Variants in RNF144B observed in about 807,000 individuals in gnomAD.
The protein encoded by RNF144B is E3 ubiquitin-protein ligase RNF144B.
Under a neutral mutation model 40.2 loss-of-function variants are expected in RNF144B, and 25 were observed. That is an observed-to-expected ratio of 0.62 (90% CI 0.45 to 0.87). The LOEUF (loss-of-function observed/expected upper bound fraction) is 0.87, where lower values mean the gene tolerates loss of function less well. RNF144B is among the 40% of genes least tolerant of loss of function. The probability of loss-of-function intolerance (pLI) is 0.00; values close to 1 mark genes in which losing one functional copy is unlikely to be tolerated. For missense variants in RNF144B, 365 were observed against 373.7 expected (o/e 0.98, Z 0.19); for synonymous variants, 145 against 136.3 (o/e 1.06, Z -0.44).
rs1480445886 is a variant in RNF144B at position 18,468,106 on chromosome 6, A to T, written c.*3039A>T. 8 of 151,846 alleles carry T rather than the reference A, an allele frequency of 5.3e-5. No individual in the cohort carries two copies. In the East Asian group the frequency reaches 1.5e-3, roughly 29 times the overall value. The allele number at this position is 151,846 out of a possible 1,614,324, so 9.4% of individuals were successfully genotyped here. A position where few individuals can be genotyped will look rare whatever the true frequency, so the allele number is the denominator to read the frequency against. ...AGAGGAAGTGTGGGTCTACATAGGG[A>T]TGTTTGGATGCTATGGCAAGAATCT... On this transcript the variant is annotated 3_prime_UTR_variant, in exon 8 of 8. Transcript: ENST00000259939.
Position 18,399,498 on chromosome 6 carries a change from G to T in RNF144B, c.-36-1G>T. ...ATTTTCTGCTTTGGACCTTTCTATA[G>T]GGATTGAGGAGACTGAAGAATGCTG... On this transcript the variant is annotated splice_acceptor_variant, in intron 1 of 7. Coordinates refer to ENST00000259939, the MANE Select transcript of RNF144B (RefSeq NM_182757.4). LOFTEE classifies it low-confidence loss of function (5UTR_SPLICE). 6.2e-7 allele frequency: 1 copy of T among 1,605,880 alleles called. No homozygotes were observed. Among genetic ancestry groups the T allele is most frequent in the Non-Finnish European group, 8.5e-7 (1 of 1,174,574 alleles).
chr6:18,421,313 C>CAT (rs1758418856), intron 2 of RNF144B, among the ~76,000 whole-genome samples: 1 of 133,352 alleles, frequency 7.5e-6, no homozygotes, highest in East Asian at 2.1e-4. Flanking sequence ...CACACACACA[C>CAT]ACATATATAT....
chr6:18,424,836 T>C (rs1346057720), intron 2 of RNF144B, among the ~76,000 whole-genome samples: 1 of 152,204 alleles, frequency 6.6e-6, no homozygotes, highest in Non-Finnish European at 1.5e-5. Context: ...ATCTGTTCTG[T>C]CTACACAGCT....
chr6:18,405,150 T>TTTATTA lies in RNF144B; in HGVS notation c.165+5472_165+5477dup, dbSNP rs71536790. Among the ~76,000 whole-genome samples, 33,069 of 146,026 alleles carry TTTATTA rather than the reference T, an allele frequency of 0.23. 4,129 individuals are homozygous for TTTATTA. The highest frequency in any genetic ancestry group is 0.3 in the Middle Eastern group (85 of 280). Reference sequence around the variant, plus strand: ...CTTGCTTGCAAGGTTAGTTTTTTTCTTTATTATTATTATTATTATTATTAT... The same window carrying TTTATTA: ...CTTGCTTGCAAGGTTAGTTTTTTTCTTTATTATTATTATTATTATTATTATTATTAT... On this transcript the variant is annotated intron_variant, in intron 2 of 7. Transcript: ENST00000259939. The surrounding 1 kb of genome is among the most constrained non-coding windows in gnomAD (Gnocchi z 4.5).
In RNF144B at chr6:18,448,315, G is replaced by T. The variant is rs188446748; in HGVS notation, c.331+8571G>T. Among the ~76,000 whole-genome samples, 14 of 152,112 alleles carry T rather than the reference G, an allele frequency of 9.2e-5. 1 individual carries two copies. The highest frequency in any genetic ancestry group is 8.5e-4 in the Admixed American group (13 of 15,270). ...TGGATTTACTTGGGGGTAGGTTTAG[G>T]TCATCTCTATCAGGAAAGAAGGTGG... On this transcript the variant is annotated intron_variant, in intron 4 of 7. Transcript: ENST00000259939. This position sits in a 1 kb window ranked among gnomAD's most constrained non-coding sequence, Gnocchi z 4.0.
intron 6 of RNF144B, among the ~76,000 whole-genome samples, chr6:18,462,274 T>C (rs895300192): frequency 1.3e-5 from 2 of 152,186 alleles, no homozygotes; most frequent in Non-Finnish European, 2.9e-5. Flanking sequence ...TGTACCTCTT[T>C]CCCAGATTTT....
Position 18,410,851 on chromosome 6 carries a change from A to T in RNF144B, c.165+11152A>T, listed in dbSNP as rs961914202. On this transcript the variant is annotated intron_variant, in intron 2 of 7. Coordinates refer to ENST00000259939, the MANE Select transcript of RNF144B (RefSeq NM_182757.4). This position sits in a 1 kb window ranked among gnomAD's most constrained non-coding sequence, Gnocchi z 4.6. ...GCAGAGCTCGGAGAACAATGTCCTT[A>T]TCAACTTAGGATACATGTGTATGGC... Among the ~76,000 whole-genome samples, 1 of 152,144 alleles carries T rather than the reference A, an allele frequency of 6.6e-6. No individual in the cohort carries two copies. Among genetic ancestry groups the T allele is most frequent in the African/African-American group, 2.4e-5 (1 of 41,376 alleles).
rs1441852153 is a variant in RNF144B, at chr6:18,406,015, T to C, written c.165+6316T>C. The C allele has an allele frequency of 3.9e-6, 2 of 517,820 alleles. No individual in the cohort carries two copies. Among genetic ancestry groups the C allele is most frequent in the Non-Finnish European group, 7.7e-6 (2 of 259,328 alleles). 32.1% of individuals were successfully genotyped at this position (517,820 alleles called of 1,614,324 possible). On this transcript the variant is annotated intron_variant, in intron 2 of 7. Coordinates refer to ENST00000259939, the MANE Select transcript of RNF144B (RefSeq NM_182757.4). This position sits in a 1 kb window ranked among gnomAD's most constrained non-coding sequence, Gnocchi z 4.2. ...CTGGGATGCCAGTATGGTTTGGCATTTAAGAGAATGGGTCTCAAGTTTGGT... is the reference window on the plus strand; with the variant it reads ...CTGGGATGCCAGTATGGTTTGGCATCTAAGAGAATGGGTCTCAAGTTTGGT...
intron 1 of RNF144B, among the ~76,000 whole-genome samples, chr6:18,392,014 A>G (rs1794590467): frequency 7.2e-6 from 1 of 139,450 alleles, no homozygotes; most frequent in Admixed American, 7.6e-5. Flanking sequence ...CCTGGCTAAC[A>G]TGGTGAAACC....
chr6:18,454,568 G>A (rs954816480), intron 4 of RNF144B, among the ~76,000 whole-genome samples: 1 of 152,124 alleles, frequency 6.6e-6, no homozygotes, highest in Non-Finnish European at 1.5e-5. Flanking sequence ...ACACTCCTTT[G>A]CATGGACCTT....
chr6:18,468,451 A>G lies in RNF144B; in HGVS notation c.*3384A>G, dbSNP rs1467192056. On this transcript the variant is annotated 3_prime_UTR_variant, in exon 8 of 8. Coordinates refer to ENST00000259939, the MANE Select transcript of RNF144B (RefSeq NM_182757.4). The stretch of plus-strand genomic sequence containing the variant: ...TGTGAATTTTCTTGTAGCGTGCTTC[A>G]TGAAAATATCTACTTATCCAGGTTT... 1 of 152,228 alleles carries G rather than the reference A, an allele frequency of 6.6e-6. No individual in the cohort carries two copies. Among genetic ancestry groups the G allele is most frequent in the African/African-American group, 2.4e-5 (1 of 41,472 alleles). 9.4% of individuals were successfully genotyped at this position (152,228 alleles called of 1,614,324 possible).
chr6:18,408,494 T>G (rs1223451898), intron 2 of RNF144B, among the ~76,000 whole-genome samples: 1 of 152,234 alleles, frequency 6.6e-6, no homozygotes, highest in African/African-American at 2.4e-5. Context: ...CATGATCTTA[T>G]TCTATTTTGG....
intron 3 of RNF144B, among the ~76,000 whole-genome samples, chr6:18,430,709 C>T (rs572321483): frequency 6.6e-6 from 1 of 151,432 alleles, no homozygotes; most frequent in South Asian, 2.1e-4. Context: ...AGCCTGGGCT[C>T]AAGCAATCCT....
At position 18,418,202 on chromosome 6, in the gene RNF144B, G is replaced by A. The variant is rs1178498649; in HGVS notation, c.166-9379G>A. 6.6e-6 allele frequency among the ~76,000 whole-genome samples: 1 copy of A among 152,138 alleles called. No individual in the cohort carries two copies. Among genetic ancestry groups the A allele is most frequent in the East Asian group, 1.9e-4 (1 of 5,198 alleles). On this transcript the variant is annotated intron_variant, in intron 2 of 7. Coordinates refer to ENST00000259939, the MANE Select transcript of RNF144B (RefSeq NM_182757.4). This position sits in a 1 kb window ranked among gnomAD's most constrained non-coding sequence, Gnocchi z 5.2. ...CAGTTCCTCAAAAGGCAAAGATAGA[G>A]TTACCATATACCATACCTACTCCTA... is the stretch of plus-strand genomic sequence containing the variant.
At position 18,443,706 on chromosome 6, in the gene RNF144B, C is replaced by T. The variant is rs10949513; in HGVS notation, c.331+3962C>T. 0.12 allele frequency among the ~76,000 whole-genome samples: 18,954 copies of T among 152,102 alleles called. 1,335 individuals carry two copies. The highest frequency in any genetic ancestry group is 0.19 in the Admixed American group (2,951 of 15,274). On this transcript the variant is annotated intron_variant, in intron 4 of 7. Transcript: ENST00000259939. The surrounding 1 kb of genome is among the most constrained non-coding windows in gnomAD (Gnocchi z 4.7). ...TAATGGAATTTACATGATTGGGATA[C>T]ACTTTATCTAATTCTGTCTAAACTT...
intron 2 of RNF144B, among the ~76,000 whole-genome samples, chr6:18,417,559 TAC>T (rs1352245519): frequency 6.6e-6 from 1 of 152,126 alleles, no homozygotes; most frequent in African/African-American, 2.4e-5. Context: ...ATCTTCCTCA[TAC>T]CACAGACAAA....
intron 2 of RNF144B, 64 bp from the exon 3 acceptor site, chr6:18,427,517 T>C (rs1273972615): frequency 9.2e-7 from 1 of 1,090,446 alleles, no homozygotes; most frequent in Admixed American, 2.0e-5. Flanking sequence ...GTGGTGGTTC[T>C]GTTATGTAAC....
In RNF144B at chr6:18,459,684, G is replaced by C. The variant is rs753967419; in HGVS notation, c.614G>C (p.Gly205Ala). 3 of 1,614,118 alleles carry C rather than the reference G, an allele frequency of 1.9e-6. 1 individual carries two copies. The highest frequency in any genetic ancestry group is 2.5e-6 in the Non-Finnish European group (3 of 1,179,986). ...CGGGTTTATATCGAACGCAATGAAG[G>C]CTGCGCTCAGATGATGTGCAAAAAC... ...VCRVYIERNE[G>A]CAQMMCKNCK... The change falls in exon 6 of 8, where the codon GGC becomes GCC. Residue 205 changes from glycine to alanine, a missense_variant. Physicochemically the swap from Gly to Ala is moderately conservative, Grantham distance 60. Transcript: ENST00000259939. This position sits in a 1 kb window ranked among gnomAD's most constrained non-coding sequence, Gnocchi z 4.2.
At chr6:18,437,085 C>T (rs1758840346) in intron 3 of RNF144B, among the ~76,000 whole-genome samples, 1 of 152,108 alleles carries the variant, frequency 6.6e-6, no homozygotes, top group South Asian at 2.1e-4. Flanking sequence ...TGTCCTGTCT[C>T]ATTGTATGCT....
Sources: allele counts gnomAD v4.1 joint callset (sites outside exome capture counted in the v4.1 genomes callset), GRCh38; gene constraint gnomAD v4.1.1; non-coding constraint Gnocchi (gnomAD v3.1); transcripts MANE v1.5; gene names NCBI Gene and HGNC (gene_info 2026-07-23, HGNC 2026-07-21).